The following DNMT3A variants were observed in gnomAD, a reference collection of about 807,000 sequenced individuals.
DNMT3A encodes the protein DNA methyltransferase 3 alpha, also known as DNA (cytosine-5)-methyltransferase 3A.
Under a neutral mutation model 117.6 loss-of-function variants are expected in DNMT3A, and 267 were observed. The observed-to-expected ratio is 2.27, with a 90% CI of 2.05 to 2.51. The LOEUF is 2.51. Among genes scored for constraint, DNMT3A ranks in the 30% most tolerant of loss-of-function variants. DNMT3A has a pLI of 0.00. For missense variants in DNMT3A, 1,029 were observed against 1,260.2 expected, an observed-to-expected ratio of 0.82 and a Z score of 2.78; for synonymous variants, 432 against 474.8, an observed-to-expected ratio of 0.91 and a Z score of 1.17.
chr2:25,340,710 C>G (rs952192428), intron 1 of DNMT3A, among the ~76,000 whole-genome samples: 2 of 152,020 alleles, frequency 1.3e-5, no homozygotes, highest in Non-Finnish European at 2.9e-5. Flanking sequence ...CACGTCTGCA[C>G]CGGCCCGGCG....
At chr2:25,284,595 T>C (rs2032142409) in intron 3 of DNMT3A, among the ~76,000 whole-genome samples, 1 of 121,832 alleles carries the variant, frequency 8.2e-6, no homozygotes, top group Non-Finnish European at 1.6e-5. Flanking sequence ...TGCAGTGAGC[T>C]GAAACTGCTC....
At chr2:25,336,154 A>G (rs927578378) in intron 1 of DNMT3A, among the ~76,000 whole-genome samples, 2 of 152,218 alleles carry the variant, frequency 1.3e-5, no homozygotes, top group Non-Finnish European at 2.9e-5. Context: ...GGGGGCTGCC[A>G]GGCACCTGCA....
chr2:25,275,279 C>G (rs983435401), intron 5 of DNMT3A, among the ~76,000 whole-genome samples, 192 bp from the exon 6 acceptor site: 20 of 152,324 alleles, frequency 1.3e-4, no homozygotes, highest in Non-Finnish European at 4.4e-5. Context: ...CACATGGACA[C>G]GGCCACAGGC....
At position 25,228,442 on chromosome 2, in the gene DNMT3A, AG is replaced by A. The variant is rs1672758647; in HGVS notation, c.*5836del. Reference sequence around the variant, plus strand: ...AAGCGAAATCGTCTGTAACAGTAAAAGTTATTACCAAATCAGCTACGGAGTT... The same window carrying A: ...AAGCGAAATCGTCTGTAACAGTAAAATTATTACCAAATCAGCTACGGAGTT... On this transcript the variant is annotated 3_prime_UTR_variant, in exon 23 of 23. Transcript: ENST00000321117. The A allele has an allele frequency of 6.6e-6, 1 of 151,922 alleles. No homozygotes were observed. The highest frequency in any genetic ancestry group is 6.6e-5 in the Admixed American group (1 of 15,238). 9.4% of individuals were successfully genotyped at this position (151,922 alleles called of 1,614,324 possible). A position where few individuals can be genotyped will look rare whatever the true frequency, so the allele number is the denominator to read the frequency against.
intron 18 of DNMT3A, 31 bp downstream of exon 18, chr2:25,240,609 G>C: frequency 6.2e-7 from 1 of 1,611,954 alleles, no homozygotes; most frequent in Non-Finnish European, 8.5e-7. Context: ...AGCACCAGCT[G>C]AGAAGGTGGA....
Position 25,306,841 on chromosome 2 carries a change from A to G in DNMT3A, c.73-6598T>C, listed in dbSNP as rs1300664236. On this transcript the variant is annotated intron_variant, in intron 2 of 22. Transcript: ENST00000321117. This position sits in a 1 kb window ranked among gnomAD's most constrained non-coding sequence, Gnocchi z 4.1. ...GTTCAGAGGGAGACAACAACATGTA[A>G]ACAAGTACCTGATGCCATGCTGAGC... 6.6e-6 allele frequency among the ~76,000 whole-genome samples: 1 copy of G among 152,238 alleles called. No individual in the cohort carries two copies. The highest frequency in any genetic ancestry group is 1.5e-5 in the Non-Finnish European group (1 of 68,036).
At position 25,282,086 on chromosome 2, in the gene DNMT3A, GGA is replaced by G; in HGVS notation, c.448+353_448+354del. ...CCCACAACCAGCCACAGAAGGCGAT[GGA>G]GGGACCGCCATTATCCCAGTCTAGC... is the stretch of plus-strand genomic sequence containing the variant. On this transcript the variant is annotated intron_variant, in intron 4 of 22. Transcript: ENST00000321117. This position sits in a 1 kb window ranked among gnomAD's most constrained non-coding sequence, Gnocchi z 5.2. 1 of 1,138,770 alleles carries G rather than the reference GGA, an allele frequency of 8.8e-7. No individual in the cohort carries two copies. The highest frequency in any genetic ancestry group is 1.1e-6 in the Non-Finnish European group (1 of 900,414). 70.5% of individuals were successfully genotyped at this position (1,138,770 alleles called of 1,614,324 possible).
intron 2 of DNMT3A, among the ~76,000 whole-genome samples, chr2:25,308,842 G>C (rs1407260922): frequency 6.6e-6 from 1 of 152,126 alleles, no homozygotes; most frequent in Non-Finnish European, 1.5e-5. Context: ...AAGGATGGAG[G>C]CCCTTGTACT....
At chr2:25,319,303 C>T (rs1446971076) in intron 1 of DNMT3A, among the ~76,000 whole-genome samples, 3 of 151,882 alleles carry the variant, frequency 2.0e-5, no homozygotes, top group Admixed American at 6.6e-5. Flanking sequence ...CATGAGCCAC[C>T]ACGCCCGGGG....
At chr2:25,299,881 A>G (rs2033330605) in intron 3 of DNMT3A, among the ~76,000 whole-genome samples, 1 of 152,156 alleles carries the variant, frequency 6.6e-6, no homozygotes, top group African/African-American at 2.4e-5. Context: ...CAGTAAGCCG[A>G]GATCACGCCA....
In DNMT3A at chr2:25,300,747, AT is replaced by A. The variant is rs1428567845; in HGVS notation, c.73-505del. 6.2e-4 allele frequency among the ~76,000 whole-genome samples: 34 copies of A among 55,004 alleles called. 1 individual carries two copies. Among genetic ancestry groups the A allele is most frequent in the Non-Finnish European group, 1.1e-3 (32 of 30,248 alleles). 36.1% of individuals were successfully genotyped at this position (55,004 alleles called of 152,430 possible). A position where few individuals can be genotyped will look rare whatever the true frequency, so the allele number is the denominator to read the frequency against. ...TATATATATATATATATATATATAT[AT>A]ATATATATATATATATATATAAATA... On this transcript the variant is annotated intron_variant, in intron 2 of 22. Coordinates refer to ENST00000321117, the MANE Select transcript of DNMT3A (RefSeq NM_022552.5).
At chr2:25,299,480 TC>T (rs2033294680) in intron 3 of DNMT3A, among the ~76,000 whole-genome samples, 1 of 152,204 alleles carries the variant, frequency 6.6e-6, no homozygotes, top group African/African-American at 2.4e-5. Context: ...TCATAGATAG[TC>T]CAGGGAGATC....
In DNMT3A at chr2:25,257,988, C is replaced by T. The variant is rs139857631; in HGVS notation, c.640-9736G>A. Among the ~76,000 whole-genome samples the T allele has an allele frequency of 2.2e-4, 33 of 152,314 alleles. No individual in the cohort carries two copies. Among genetic ancestry groups the T allele is most frequent in the African/African-American group, 6.5e-4 (27 of 41,564 alleles). ...AGAAGGAGATGGAGGTCAGCTCCCTCGGGGCATGCGTCCCAGGTGAGCCCT... is the reference window on the plus strand; with the variant it reads ...AGAAGGAGATGGAGGTCAGCTCCCTTGGGGCATGCGTCCCAGGTGAGCCCT... On this transcript the variant is annotated intron_variant, in intron 6 of 22. Transcript: ENST00000321117. This position sits in a 1 kb window ranked among gnomAD's most constrained non-coding sequence, Gnocchi z 4.8.
rs1224115282 is a variant in DNMT3A at position 25,228,440 on chromosome 2, A to G, written c.*5839T>C. On this transcript the variant is annotated 3_prime_UTR_variant, in exon 23 of 23. Transcript: ENST00000321117. ...CAAAGCGAAATCGTCTGTAACAGTA[A>G]AAGTTATTACCAAATCAGCTACGGA... 6.6e-6 allele frequency: 1 copy of G among 151,920 alleles called. No homozygotes were observed. Among genetic ancestry groups the G allele is most frequent in the African/African-American group, 2.4e-5 (1 of 41,344 alleles). 9.4% of individuals were successfully genotyped at this position (151,920 alleles called of 1,614,324 possible).
At chr2:25,244,439 G>A (rs75180372) in intron 14 of DNMT3A, 101 bp from the exon 15 acceptor site, 63,155 of 1,573,594 alleles carry the variant, frequency 0.04, 1,478 homozygotes, top group Non-Finnish European at 0.048. Flanking sequence ...AGCATGGCTA[G>A]GGGGTGGAGG....
Position 25,282,147 on chromosome 2 carries a change from G to A in DNMT3A, c.448+294C>T. ...GCGTTATGAAAGCCCGCTGTTGCCA[G>A]ATCTAGCTTTTTTTTTTTTCATGAG... On this transcript the variant is annotated intron_variant, in intron 4 of 22. Coordinates refer to ENST00000321117, the MANE Select transcript of DNMT3A (RefSeq NM_022552.5). This position sits in a 1 kb window ranked among gnomAD's most constrained non-coding sequence, Gnocchi z 5.2. The A allele has an allele frequency of 2.6e-6, 3 of 1,167,366 alleles. No individual in the cohort carries two copies. The highest frequency in any genetic ancestry group is 2.2e-6 in the Non-Finnish European group (2 of 900,846). 72.3% of individuals were successfully genotyped at this position (1,167,366 alleles called of 1,614,324 possible).
At chr2:25,244,727 C>G in intron 13 of DNMT3A, 75 bp from the exon 14 acceptor site, 1 of 1,283,466 alleles carries the variant, frequency 7.8e-7, no homozygotes, top group Non-Finnish European at 1.1e-6. Context: ...AGGCTCCACA[C>G]CTGGCCTCAC....
intron 3 of DNMT3A, among the ~76,000 whole-genome samples, chr2:25,284,683 C>CA (rs11463858): frequency 0.13 from 7,902 of 61,916 alleles, 414 homozygotes; most frequent in African/African-American, 0.19. Context: ...AAAGACTATA[C>CA]AAAAAAAAAA....
intron 1 of DNMT3A, among the ~76,000 whole-genome samples, chr2:25,340,985 C>G (rs902075921): frequency 6.8e-6 from 1 of 146,992 alleles, no homozygotes; most frequent in Non-Finnish European, 1.5e-5. Context: ...CACGACCACC[C>G]CTCTCCGTGC....
Sources: gnomAD v4.1 joint callset for allele counts (sites outside exome capture counted in the v4.1 genomes callset) on GRCh38, gnomAD v4.1.1 for gene constraint, Gnocchi (gnomAD v3.1) non-coding constraint, MANE v1.5 for transcripts, NCBI Gene and HGNC (gene_info 2026-07-23, HGNC 2026-07-21) for gene names.